WDR17: variants seen among roughly 807,000 people sequenced by gnomAD.
WDR17 encodes WD repeat-containing protein 17.
WDR17 carries 143 observed loss-of-function variants against 161.7 expected under a neutral mutation model. The ratio of observed to expected loss-of-function variants is 0.88; its 90% CI spans 0.77 to 1.02. The LOEUF (loss-of-function observed/expected upper bound fraction) is 1.02, where lower values mean the gene tolerates loss of function less well. WDR17 is among the 50% of genes least tolerant of loss of function. The probability of loss-of-function intolerance (pLI) is 0.00; values close to 1 mark genes in which losing one functional copy is unlikely to be tolerated. For missense variants in WDR17, 1,469 were observed against 1,520.9 expected (o/e 0.97, Z 0.57); for synonymous variants, 517 against 515.6 (o/e 1.00, Z -0.04).
chr4:176,078,781 A>G (rs962540191), intron 1 of WDR17, among the ~76,000 whole-genome samples: 17 of 151,994 alleles, frequency 1.1e-4, no homozygotes, highest in African/African-American at 4.1e-4. Flanking sequence ...AGTTATATGT[A>G]TTTATGGGGC....
At chr4:176,176,124 T>G (rs887260214) in intron 26 of WDR17, among the ~76,000 whole-genome samples, 1 of 152,172 alleles carries the variant, frequency 6.6e-6, no homozygotes, top group African/African-American at 2.4e-5. Context: ...TGTAAAATAA[T>G]GTTTAATATG....
At chr4:176,078,633 C>A (rs1278606196) in intron 1 of WDR17, among the ~76,000 whole-genome samples, 2 of 152,010 alleles carry the variant, frequency 1.3e-5, no homozygotes, top group Non-Finnish European at 2.9e-5. Flanking sequence ...CGAAATTCTT[C>A]AACTGGAAGA....
chr4:176,155,555 T>TG (rs1561192110), intron 17 of WDR17, among the ~76,000 whole-genome samples: 4 of 143,836 alleles, frequency 2.8e-5, no homozygotes, highest in African/African-American at 1.0e-4. Flanking sequence ...GTTTTTTTTT[T>TG]TTTTTTGGAG....
chr4:176,153,709 G>C (rs1169827278), intron 17 of WDR17, among the ~76,000 whole-genome samples: 2 of 152,076 alleles, frequency 1.3e-5, no homozygotes, highest in Non-Finnish European at 2.9e-5. Context: ...ATAATATAAA[G>C]TAAAACTAAG....
At chr4:176,154,698 A>G (rs1373245177) in intron 17 of WDR17, among the ~76,000 whole-genome samples, 2 of 152,204 alleles carry the variant, frequency 1.3e-5, no homozygotes, top group Admixed American at 1.3e-4. Flanking sequence ...TTTAGGTAAC[A>G]TGATTTTAAA....
chr4:176,107,880 TTTCCTTCCTTTTTTCCTTCCCTCC>T (rs1739024701), intron 1 of WDR17, among the ~76,000 whole-genome samples: 1 of 150,780 alleles, frequency 6.6e-6, no homozygotes. Flanking sequence ...CTTTTCCTTC[TTTCCTTCCTTTTTTCCTTCCCTCC>T]TTCCTTCCTT....
chr4:176,085,776 A>T (rs1735346440), intron 1 of WDR17, among the ~76,000 whole-genome samples: 1 of 151,968 alleles, frequency 6.6e-6, no homozygotes, highest in Admixed American at 6.6e-5. Context: ...GAATGTTTGT[A>T]AACTATTTCG....
chr4:176,131,667 T>C lies in WDR17; in HGVS notation c.1027T>C (p.Cys343Arg). The change falls in exon 7 of 29, where the codon TGT (cysteine) becomes CGT (arginine). Residue 343 changes from cysteine (C) to arginine (R), a missense_variant. Cys to Arg is a radical substitution (Grantham distance 180, BLOSUM62 -3). Coordinates refer to ENST00000508596, the MANE Select transcript of WDR17 (RefSeq NM_181265.4). ...AFSLPPGHAV[C>R]CFLDGGVGLY... ...TTCTCTTCCTCCTGGTCATGCAGTG[T>C]GTTGTTTCTTGGATGGTGGAGTTGG... The C allele has an allele frequency of 6.2e-7, 1 of 1,613,744 alleles. No homozygotes were observed. Among genetic ancestry groups the C allele is most frequent in the Non-Finnish European group, 8.5e-7 (1 of 1,179,796 alleles).
intron 1 of WDR17, among the ~76,000 whole-genome samples, chr4:176,108,092 G>A (rs994169634): frequency 6.6e-6 from 1 of 151,768 alleles, no homozygotes; most frequent in African/African-American, 2.4e-5. Flanking sequence ...AGGCTGGAGT[G>A]CAGTAGCATG....
At chr4:176,171,526 G>A (rs993705990) in intron 23 of WDR17, among the ~76,000 whole-genome samples, 9 of 152,014 alleles carry the variant, frequency 5.9e-5, no homozygotes, top group Non-Finnish European at 1.2e-4. Flanking sequence ...GATGTAAAAT[G>A]TTCATTTTAC....
At chr4:176,177,012 T>C (rs759302978) in intron 26 of WDR17, 46 bp from the exon 27 acceptor site, 9 of 1,347,592 alleles carry the variant, frequency 6.7e-6, no homozygotes, top group Non-Finnish European at 9.6e-6. Flanking sequence ...TTTTCTGATA[T>C]CTTAGTTTTT....
At chr4:176,153,050 G>T (rs1487382205) in intron 17 of WDR17, among the ~76,000 whole-genome samples, 1 of 152,066 alleles carries the variant, frequency 6.6e-6, no homozygotes, top group Non-Finnish European at 1.5e-5. Flanking sequence ...AGCAGCATTG[G>T]CATCACTGGG....
At chr4:176,091,886 A>C (rs924273627) in intron 1 of WDR17, among the ~76,000 whole-genome samples, 1 of 152,162 alleles carries the variant, frequency 6.6e-6, no homozygotes, top group Non-Finnish European at 1.5e-5. Context: ...GCAACCTACA[A>C]AGACTGAACC....
chr4:176,105,136 A>G (rs1235586006), intron 1 of WDR17, among the ~76,000 whole-genome samples: 1 of 152,050 alleles, frequency 6.6e-6, no homozygotes, highest in Admixed American at 6.6e-5. Context: ...CAGAAAAGTC[A>G]AAGAAGGACA....
At chr4:176,088,369 G>A (rs957109021) in intron 1 of WDR17, among the ~76,000 whole-genome samples, 1 of 151,976 alleles carries the variant, frequency 6.6e-6, no homozygotes, top group African/African-American at 2.4e-5. Flanking sequence ...AGGACTGCTT[G>A]AGCCCAAAAC....
Position 176,179,446 on chromosome 4 carries a change from C to T in WDR17, c.3733-14C>T. ...ATAATCTCATCTTCTCTTTCCTCAA[C>T]TCTCACTGTGCAGGGCCCTGTGTTT... On this transcript the variant is annotated splice_polypyrimidine_tract_variant and intron_variant, in intron 28 of 28. Coordinates refer to ENST00000508596, the MANE Select transcript of WDR17 (RefSeq NM_181265.4). The T allele has an allele frequency of 1.3e-6, 2 of 1,513,280 alleles. 1 individual carries two copies. Among genetic ancestry groups the T allele is most frequent in the South Asian group, 2.8e-5 (2 of 71,308 alleles). The allele number at this position is 1,513,280 out of a possible 1,614,324, so 93.7% of individuals were successfully genotyped here.
chr4:176,124,615 G>T (rs536101073), intron 4 of WDR17, among the ~76,000 whole-genome samples: 77 of 152,222 alleles, frequency 5.1e-4, no homozygotes, highest in African/African-American at 1.7e-3. Context: ...AAAACCACAA[G>T]ACTGAGGCAC....
At chr4:176,112,569 C>A (rs1175036355) in intron 2 of WDR17, among the ~76,000 whole-genome samples, 1 of 152,170 alleles carries the variant, frequency 6.6e-6, no homozygotes, top group Non-Finnish European at 1.5e-5. Context: ...CATATCTTGC[C>A]TTTGCTTACA....
chr4:176,102,743 C>T (rs1173884425), intron 1 of WDR17, among the ~76,000 whole-genome samples: 4 of 152,196 alleles, frequency 2.6e-5, no homozygotes, highest in Non-Finnish European at 4.4e-5. Context: ...CTGGTACAGT[C>T]TGTCTGATGT....
Sources: allele counts gnomAD v4.1 joint callset (sites outside exome capture counted in the v4.1 genomes callset), GRCh38; gene constraint gnomAD v4.1.1; transcripts MANE v1.5; gene names NCBI Gene and HGNC (gene_info 2026-07-23, HGNC 2026-07-21).